The following ARID5B variants were observed in gnomAD, a reference collection of about 807,000 sequenced individuals.
The protein encoded by ARID5B is AT-rich interaction domain 5B, also known as AT-rich interactive domain-containing protein 5B.
In ARID5B, 13 loss-of-function variants were observed where a neutral mutation model predicts 97.2. The ratio of observed to expected loss-of-function variants is 0.13; its 90% CI spans 0.09 to 0.21. ARID5B has a LOEUF of 0.21. Ranked by LOEUF, ARID5B falls within the 10% of genes least tolerant of loss-of-function variation. The pLI is 1.00. For missense variants in ARID5B, 1,210 were observed against 1,465.3 expected (o/e 0.83, Z 2.84); for synonymous variants, 556 against 570.3 (o/e 0.97, Z 0.36).
intron 8 of ARID5B, among the ~76,000 whole-genome samples, chr10:62,078,583 T>A (rs954436327): frequency 6.6e-6 from 1 of 152,226 alleles, no homozygotes; most frequent in Non-Finnish European, 1.5e-5. Flanking sequence ...ATTGCTGCAG[T>A]TGTTGCTGGC....
chr10:62,030,664 T>A (rs960150779), intron 4 of ARID5B, among the ~76,000 whole-genome samples: 6 of 152,220 alleles, frequency 3.9e-5, no homozygotes, highest in Admixed American at 2.6e-4. Context: ...TTCTTCTGGA[T>A]AGCTGCTTAA....
intron 2 of ARID5B, among the ~76,000 whole-genome samples, chr10:61,909,143 G>A (rs1230597462): frequency 6.6e-6 from 1 of 152,052 alleles, no homozygotes; most frequent in South Asian, 2.1e-4. Flanking sequence ...TAGTCCAGTG[G>A]TTGGTTGTAA....
At chr10:61,932,934 A>G (rs1589224452) in intron 2 of ARID5B, among the ~76,000 whole-genome samples, 2 of 152,152 alleles carry the variant, frequency 1.3e-5, no homozygotes, top group Admixed American at 6.5e-5. Flanking sequence ...CTCTCTAAAA[A>G]TAAATTTAAA....
chr10:62,030,296 A>T (rs1373031732), intron 4 of ARID5B, among the ~76,000 whole-genome samples: 1 of 151,802 alleles, frequency 6.6e-6, no homozygotes, highest in Non-Finnish European at 1.5e-5. Flanking sequence ...CGCCCAGCTA[A>T]TTTTTGTATT....
chr10:62,018,256 T>C (rs534209115), intron 4 of ARID5B, among the ~76,000 whole-genome samples: 19 of 152,270 alleles, frequency 1.2e-4, no homozygotes, highest in African/African-American at 4.1e-4. Context: ...CATCCGAAGG[T>C]TGGCAGAGAA....
rs188182653 is a variant in ARID5B, at chr10:61,931,097, T to C, written c.277-9086T>C. 5.3e-5 allele frequency among the ~76,000 whole-genome samples: 8 copies of C among 152,166 alleles called. 1 individual carries two copies. The East Asian group carries it at 1.5e-3, about 29-fold the overall frequency. On this transcript the variant is annotated intron_variant, in intron 2 of 9. Transcript: ENST00000279873. ...AAATGCTACAAAGAAGTTAAAGAAA[T>C]TGAAGAATAAGAAAACGCCTTGGGT...
At chr10:61,985,765 G>T (rs951780245) in intron 3 of ARID5B, among the ~76,000 whole-genome samples, 1 of 152,094 alleles carries the variant, frequency 6.6e-6, no homozygotes, top group Non-Finnish European at 1.5e-5. Flanking sequence ...GTGGATCTTT[G>T]TCCCGGGATC....
At chr10:61,982,803 C>T (rs1015478254) in intron 3 of ARID5B, among the ~76,000 whole-genome samples, 22 of 152,202 alleles carry the variant, frequency 1.4e-4, no homozygotes, top group African/African-American at 5.3e-4. Context: ...TTTTGTTCTC[C>T]TTATTGTACA....
chr10:62,032,796 G>A (rs1189531987), intron 4 of ARID5B, among the ~76,000 whole-genome samples: 1 of 152,134 alleles, frequency 6.6e-6, no homozygotes, highest in Non-Finnish European at 1.5e-5. Flanking sequence ...GTTTGGCCAG[G>A]ACAAATCAGA....
chr10:61,908,519 T>A (rs1843741306), intron 2 of ARID5B, among the ~76,000 whole-genome samples: 1 of 152,088 alleles, frequency 6.6e-6, no homozygotes, highest in African/African-American at 2.4e-5. Flanking sequence ...TTAAGGAGAA[T>A]GGCCTCGGCC....
intron 3 of ARID5B, among the ~76,000 whole-genome samples, chr10:61,943,948 C>A (rs1265700527): frequency 6.6e-6 from 1 of 152,016 alleles, no homozygotes; most frequent in African/African-American, 2.4e-5. Flanking sequence ...TTTTAAAACT[C>A]TCTAGAGTTT....
At position 62,092,039 on chromosome 10, in the gene ARID5B, G is replaced by A. The variant is rs760105542; in HGVS notation, c.2576G>A (p.Arg859Lys). The change falls in exon 10 of 10, where the codon AGG becomes AAG. Residue 859 changes from arginine (R) to lysine (K), a missense_variant. Around this residue, in one of 8 missense-constraint regions of ARID5B, gnomAD observed 800 missense variants for 839.1 expected, o/e 0.95. Coordinates refer to ENST00000279873, the MANE Select transcript of ARID5B (RefSeq NM_032199.3). ...GAACAGACATCCAAATACCCTTCCA[G>A]GGACATGTACAGGGAATCGGAAAAC... ...HNEQTSKYPS[R>K]DMYRESENSS... The A allele has an allele frequency of 1.2e-6, 2 of 1,614,104 alleles. No homozygotes were observed. The highest frequency in any genetic ancestry group is 1.7e-6 in the Non-Finnish European group (2 of 1,180,020).
At chr10:61,983,907 G>A (rs568266087) in intron 3 of ARID5B, among the ~76,000 whole-genome samples, 2 of 14,648 alleles carry the variant, frequency 1.4e-4, no homozygotes, top group Non-Finnish European at 2.7e-4. Flanking sequence ...TTGAGACGGA[G>A]TCTCGCTCTG....
intron 2 of ARID5B, among the ~76,000 whole-genome samples, chr10:61,922,554 G>T (rs894222761): frequency 6.6e-6 from 1 of 152,252 alleles, no homozygotes; most frequent in East Asian, 1.9e-4. Context: ...AGTGAGCCGA[G>T]ATCATGCCAC....
At position 62,057,292 on chromosome 10, in the gene ARID5B, G is replaced by A; in HGVS notation, c.1022G>A (p.Arg341Gln). The change falls in exon 6 of 10, where the codon CGA becomes CAA. Residue 341 changes from arginine to glutamine, a missense_variant. Physicochemically the swap from Arg to Gln is conservative, Grantham distance 43. Transcript: ENST00000279873. ...AAAGAAAGGAAAACGCCGATAGAAC[G>A]AATACCCTATTTAGGTTTTAAACAG... ...YMKERKTPIE[R>Q]IPYLGFKQIN... The A allele has an allele frequency of 6.2e-7, 1 of 1,613,658 alleles. No individual in the cohort carries two copies. Among genetic ancestry groups the A allele is most frequent in the Non-Finnish European group, 8.5e-7 (1 of 1,179,692 alleles).
chr10:62,065,574 G>A (rs902324142), intron 7 of ARID5B, among the ~76,000 whole-genome samples: 25 of 152,150 alleles, frequency 1.6e-4, no homozygotes, highest in Non-Finnish European at 7.3e-5. Flanking sequence ...GGCCAGGCAC[G>A]GTGGCTCACG....
intron 4 of ARID5B, among the ~76,000 whole-genome samples, chr10:62,043,333 C>T (rs1374068391): frequency 6.6e-6 from 1 of 152,190 alleles, no homozygotes; most frequent in Non-Finnish European, 1.5e-5. Context: ...ATCTATAATC[C>T]CTTTCTTCTT....
chr10:61,978,410 G>A lies in ARID5B; in HGVS notation c.503-21681G>A, dbSNP rs1838730425. Among the ~76,000 whole-genome samples the A allele has an allele frequency of 2.0e-5, 3 of 152,200 alleles. No individual in the cohort carries two copies. In the South Asian group the frequency reaches 6.2e-4, roughly 31 times the overall value. ...AATTCTGTGAAGAAGGTCATTGGTA[G>A]CTTGATGAGAATGGCATTGAATCTA... is the stretch of plus-strand genomic sequence containing the variant. On this transcript the variant is annotated intron_variant, in intron 3 of 9. Transcript: ENST00000279873.
At chr10:61,947,920 G>A (rs1309686601) in intron 3 of ARID5B, among the ~76,000 whole-genome samples, 1 of 152,192 alleles carries the variant, frequency 6.6e-6, no homozygotes, top group African/African-American at 2.4e-5. Flanking sequence ...TGGAATTACT[G>A]TTGACCTGAG....
Sources: gnomAD v4.1 joint callset for allele counts (sites outside exome capture counted in the v4.1 genomes callset) on GRCh38, gnomAD v4.1.1 for gene constraint, gnomAD v4.1.1 regional missense constraint, MANE v1.5 for transcripts, NCBI Gene and HGNC (gene_info 2026-07-23, HGNC 2026-07-21) for gene names.